The following MECR variants were observed in gnomAD, a reference collection of about 807,000 sequenced individuals.
The protein encoded by MECR is mitochondrial trans-2-enoyl-CoA reductase.
In MECR, 37 loss-of-function variants were observed where a neutral mutation model predicts 49.1. That is an observed-to-expected ratio of 0.75 (90% confidence interval 0.58 to 0.99). The LOEUF is 0.99. Ranked by LOEUF, MECR falls within the 50% of genes least tolerant of loss-of-function variation. The pLI is 0.00. For synonymous variants in MECR, 198 were observed against 191.1 expected, an observed-to-expected ratio of 1.04 and a Z score of -0.30; for missense variants, 470 against 479.6, an observed-to-expected ratio of 0.98 and a Z score of 0.19.
At chr1:29,213,237 G>A (rs1678472980) in intron 3 of MECR, among the ~76,000 whole-genome samples, 1 of 152,218 alleles carries the variant, frequency 6.6e-6, no homozygotes, top group African/African-American at 2.4e-5. Flanking sequence ...ACGGGGGCTG[G>A]CCCGAAGCAC....
chr1:29,193,721 G>T lies in MECR; in HGVS notation c.*301C>A. Reference sequence around the variant, plus strand: ...CAGGGTGGTCAGAAAATGATTACTGGGGGAACACATGACAGAAAAGCAGGA... The same window carrying T: ...CAGGGTGGTCAGAAAATGATTACTGTGGGAACACATGACAGAAAAGCAGGA... On this transcript the variant is annotated 3_prime_UTR_variant, in exon 10 of 10. Coordinates refer to ENST00000263702, the MANE Select transcript of MECR (RefSeq NM_016011.5). 1 of 314,432 alleles carries T rather than the reference G, an allele frequency of 3.2e-6. No homozygotes were observed. Among genetic ancestry groups the T allele is most frequent in the Non-Finnish European group, 5.9e-6 (1 of 168,234 alleles). The allele number at this position is 314,432 out of a possible 1,614,324, so 19.5% of individuals were successfully genotyped here.
At chr1:29,204,030 T>A (rs1401758334) in intron 4 of MECR, among the ~76,000 whole-genome samples, 1 of 152,162 alleles carries the variant, frequency 6.6e-6, no homozygotes, top group African/African-American at 2.4e-5. Context: ...GTTTCACCAA[T>A]GATTGTAACT....
chr1:29,215,728 G>A (rs567725683), intron 3 of MECR, among the ~76,000 whole-genome samples: 25 of 151,826 alleles, frequency 1.6e-4, no homozygotes, highest in South Asian at 8.3e-4. Flanking sequence ...AAAATTAGCC[G>A]GGCGTGGTGG....
At chr1:29,207,383 G>A (rs1676879252) in intron 3 of MECR, among the ~76,000 whole-genome samples, 1 of 152,036 alleles carries the variant, frequency 6.6e-6, no homozygotes, top group African/African-American at 2.4e-5. Context: ...GCTTCCCAAA[G>A]TGCTGGGATT....
At chr1:29,188,424 G>T (rs551276650), downstream of MECR, among the ~76,000 whole-genome samples, 8 of 152,048 alleles carry the variant, frequency 5.3e-5, no homozygotes, top group South Asian at 1.7e-3. Flanking sequence ...GGCTGGTCTC[G>T]AACTCCTGAC....
rs1424327631 is a variant in MECR at position 29,203,126 on chromosome 1, C to T, written c.653+5G>A. On this transcript the variant is annotated splice_donor_5th_base_variant and intron_variant, in intron 5 of 9. Transcript: ENST00000263702. The stretch of plus-strand genomic sequence containing the variant: ...GTCTGGGATGAAGCCTCCTTCCCCA[C>T]GCACCTGTCTCGGACCACATTGATG... 4.5e-6 allele frequency: 7 copies of T among 1,565,598 alleles called. No individual in the cohort carries two copies. Among genetic ancestry groups the T allele is most frequent in the Non-Finnish European group, 5.2e-6 (6 of 1,152,058 alleles).
intron 3 of MECR, among the ~76,000 whole-genome samples, chr1:29,210,153 C>T (rs1035400791): frequency 3.9e-5 from 6 of 151,932 alleles, no homozygotes; most frequent in Admixed American, 2.0e-4. Context: ...TGGGACTACA[C>T]GTGCCCGCCA....
chr1:29,180,225 T>C, the MECR span, among the ~76,000 whole-genome samples: 20 of 152,200 alleles, frequency 1.3e-4, no homozygotes, highest in Non-Finnish European at 2.9e-4. Flanking sequence ...AAGTTAGTTA[T>C]GCTGTCAATT....
At chr1:29,174,694 T>G in the MECR span, among the ~76,000 whole-genome samples, 1 of 149,844 alleles carries the variant, frequency 6.7e-6, no homozygotes, top group African/African-American at 2.4e-5. Context: ...TTTTTTTTTT[T>G]GATGGAGTCT....
the MECR span, among the ~76,000 whole-genome samples, chr1:29,179,662 A>G: frequency 6.6e-6 from 1 of 152,228 alleles, no homozygotes; most frequent in African/African-American, 2.4e-5. Context: ...TACTATTCCC[A>G]GAAACCTAAA....
the MECR span, among the ~76,000 whole-genome samples, chr1:29,176,975 C>G: frequency 6.6e-6 from 1 of 151,426 alleles, no homozygotes; most frequent in African/African-American, 2.4e-5. Flanking sequence ...ATCCTTCTAG[C>G]TACTAGACAG....
the MECR span, among the ~76,000 whole-genome samples, chr1:29,168,191 A>T: frequency 7.4e-6 from 1 of 134,954 alleles, no homozygotes; most frequent in African/African-American, 2.8e-5. Context: ...ATTTTTTGTA[A>T]TTTTTTTTTT....
chr1:29,188,732 C>T (rs571176575), downstream of MECR, among the ~76,000 whole-genome samples: 155 of 150,890 alleles, frequency 1.0e-3, no homozygotes, highest in Non-Finnish European at 1.9e-3. Flanking sequence ...CTCCACCTCC[C>T]GGGTTCAAGC....
chr1:29,175,694 C>CAAAAAAAAAAAAAAAAAAA, the MECR span, among the ~76,000 whole-genome samples: 1 of 38,604 alleles, frequency 2.6e-5, no homozygotes, highest in Non-Finnish European at 4.1e-5. Flanking sequence ...GACGCTGTCT[C>CAAAAAAAAAAAAAAAAAAA]AAAAAAAAAA....
downstream of MECR, among the ~76,000 whole-genome samples, chr1:29,190,890 AG>A (rs1238403178): frequency 1.3e-5 from 2 of 152,088 alleles, no homozygotes; most frequent in African/African-American, 4.8e-5. Context: ...GTTAGCTGCA[AG>A]GGATGCAGAG....
chr1:29,181,744 C>T, the MECR span: 18 of 1,580,322 alleles, frequency 1.1e-5, no homozygotes, highest in Non-Finnish European at 1.5e-5. Flanking sequence ...CGATGTACAC[C>T]CGCGGCATCC....
chr1:29,174,050 G>T, the MECR span, among the ~76,000 whole-genome samples: 1 of 151,712 alleles, frequency 6.6e-6, no homozygotes, highest in Non-Finnish European at 1.5e-5. Context: ...TTAGCGGGGT[G>T]TGGTGGCAGG....
chr1:29,173,578 T>C, the MECR span: 1 of 146,298 alleles, frequency 6.8e-6, no homozygotes, highest in East Asian at 2.1e-4. Context: ...GCCTCCTAAG[T>C]AGCTGGGATT....
the MECR span, among the ~76,000 whole-genome samples, chr1:29,168,040 T>C: frequency 5.9e-5 from 8 of 136,204 alleles, no homozygotes; most frequent in Admixed American, 1.5e-4. Context: ...AAAAAAAACA[T>C]AGTCTCGCTC....
Sources: allele counts gnomAD v4.1 joint callset (sites outside exome capture counted in the v4.1 genomes callset), GRCh38; gene constraint gnomAD v4.1.1; transcripts MANE v1.5; gene names NCBI Gene and HGNC (gene_info 2026-07-23, HGNC 2026-07-21).